Variants in DIPK1C observed in about 807,000 individuals in gnomAD.
DIPK1C encodes the protein familial non-conventional Alzheimer's dementia.
A neutral mutation model predicts 28.0 loss-of-function variants in DIPK1C; 33 were observed. The observed-to-expected ratio is 1.18, with a 90% CI of 0.89 to 1.58. The LOEUF is 1.58. DIPK1C is among the 40% of genes most tolerant of loss of function. The pLI is 0.00. For synonymous variants in DIPK1C, 255 were observed against 248.8 expected, an observed-to-expected ratio of 1.02 and a Z score of -0.23; for missense variants, 569 against 568.5, an observed-to-expected ratio of 1.00 and a Z score of -0.01.
intron 1 of DIPK1C, among the ~76,000 whole-genome samples, chr18:74,456,832 C>G (rs1482813544): frequency 6.6e-6 from 1 of 152,180 alleles, no homozygotes; most frequent in Non-Finnish European, 1.5e-5. Context: ...AGGGCGAATT[C>G]TGGCGAAAAG....
chr18:74,457,385 T>C, upstream of DIPK1C: 1 of 685,422 alleles, frequency 1.5e-6, no homozygotes, highest in South Asian at 6.3e-5. Context: ...GCGCGAGGGT[T>C]GGGGCAGGCC....
Position 74,440,014 on chromosome 18 carries a change from G to A in DIPK1C, c.1041+1938C>T, listed in dbSNP as rs567977496. Among the ~76,000 whole-genome samples, 86 of 149,124 alleles carry A rather than the reference G, an allele frequency of 5.8e-4. 1 individual carries two copies. The highest frequency in any genetic ancestry group is 1.6e-3 in the East Asian group (8 of 5,060). On this transcript the variant is annotated intron_variant, in intron 3 of 3. Transcript: ENST00000343998. ...GGCTGGAGTGCAGTGATGCAATCTCGGCTCACTGCAAGCTCCGCCTCCCGG... is the reference window on the plus strand; with the variant it reads ...GGCTGGAGTGCAGTGATGCAATCTCAGCTCACTGCAAGCTCCGCCTCCCGG...
At position 74,447,134 on chromosome 18, in the gene DIPK1C, C is replaced by T. The variant is rs774597481; in HGVS notation, c.348G>A (p.Lys116=). Residue 116 remains lysine, a synonymous_variant, in exon 2 of 4, where the codon AAG becomes AAA. Coordinates refer to ENST00000343998, the MANE Select transcript of DIPK1C (RefSeq NM_001044369.3). The surrounding 1 kb of genome is among the most constrained non-coding windows in gnomAD (Gnocchi z 4.1). ...AGCTGGAGAAGGCCTCCTCCTTGGA[C>T]TTGAGGACCACGGGCCGGCCGCGCC... ...ADWRGRPVVL[K]SKEEAFSSFP... is the part of the protein sequence containing the mutation. The T allele has an allele frequency of 4.5e-6, 7 of 1,550,454 alleles. No homozygotes were observed. The highest frequency in any genetic ancestry group is 2.4e-5 in the East Asian group (1 of 40,926).
chr18:74,451,544 G>A (rs1245091970), intron 1 of DIPK1C, among the ~76,000 whole-genome samples: 1 of 152,176 alleles, frequency 6.6e-6, no homozygotes, highest in Non-Finnish European at 1.5e-5. Context: ...TGAATTTGGA[G>A]GGCGATTCCA....
upstream of DIPK1C, among the ~76,000 whole-genome samples, chr18:74,461,639 G>C (rs994055308): frequency 6.6e-6 from 1 of 151,922 alleles, no homozygotes; most frequent in African/African-American, 2.4e-5. Context: ...ATAGTTCTGG[G>C]GCTGCAGATG....
chr18:74,459,396 C>A (rs2144537575), upstream of DIPK1C, among the ~76,000 whole-genome samples: 1 of 152,254 alleles, frequency 6.6e-6, no homozygotes, highest in South Asian at 2.1e-4. Flanking sequence ...AACTTATAAT[C>A]CCACAGTAAA....
chr18:74,441,671 G>A (rs1464049111), intron 3 of DIPK1C, among the ~76,000 whole-genome samples: 3 of 152,174 alleles, frequency 2.0e-5, no homozygotes, highest in Non-Finnish European at 4.4e-5. Flanking sequence ...AGAGGTTGTA[G>A]ATACGTGGGG....
At chr18:74,451,650 T>G (rs1444293837) in intron 1 of DIPK1C, among the ~76,000 whole-genome samples, 3 of 152,226 alleles carry the variant, frequency 2.0e-5, no homozygotes, top group Non-Finnish European at 4.4e-5. Flanking sequence ...TGGCTGTTTT[T>G]CTGAAGATCA....
intron 1 of DIPK1C, among the ~76,000 whole-genome samples, chr18:74,455,674 GC>G (rs528314662): frequency 1.4e-3 from 198 of 143,774 alleles, no homozygotes; most frequent in African/African-American, 5.1e-3. Flanking sequence ...GTTGCGGTGA[GC>G]CGAGATCACG....
rs1227887436 is a variant in DIPK1C at position 74,436,720 on chromosome 18, C to G, written c.1042-1G>C. The G allele has an allele frequency of 6.2e-7, 1 of 1,609,248 alleles. No individual in the cohort carries two copies. Among genetic ancestry groups the G allele is most frequent in the African/African-American group, 1.3e-5 (1 of 74,740 alleles). On this transcript the variant is annotated splice_acceptor_variant, in intron 3 of 3. Coordinates refer to ENST00000343998, the MANE Select transcript of DIPK1C (RefSeq NM_001044369.3). LOFTEE classifies it high-confidence loss of function. ...GGCGAAATATTTTGTCACAGATGAC[C>G]TGAGGGAAAGAAGGGTGGACAGTTA...
chr18:74,441,616 T>C (rs1326223661), intron 3 of DIPK1C, among the ~76,000 whole-genome samples: 1 of 152,156 alleles, frequency 6.6e-6, no homozygotes, highest in African/African-American at 2.4e-5. Flanking sequence ...TTATCTTTGA[T>C]GGATTAGTCT....
upstream of DIPK1C, among the ~76,000 whole-genome samples, chr18:74,461,983 A>G (rs1986624842): frequency 6.6e-6 from 1 of 152,168 alleles, no homozygotes; most frequent in South Asian, 2.1e-4. Context: ...TCTGGTCTCA[A>G]ACTCCTGGGC....
chr18:74,457,917 C>T (rs1319166125), upstream of DIPK1C: 1 of 152,584 alleles, frequency 6.6e-6, no homozygotes, highest in Non-Finnish European at 1.5e-5. Flanking sequence ...CCCGCCGTCT[C>T]CCAGGCTGCA....
In DIPK1C at chr18:74,447,214, G is replaced by A; in HGVS notation, c.268C>T (p.Leu90=). The A allele has an allele frequency of 1.9e-6, 3 of 1,550,002 alleles. No individual in the cohort carries two copies. The highest frequency in any genetic ancestry group is 2.4e-5 in the East Asian group (1 of 40,904). ...TTGTAGTGCAGGCAGCGTTGGAACA[G>A]CAGCTCTCCCGCCACACACAGGTCC... ...CEDLCVAGEL[L]FQRCLHYNRG... is the part of the protein sequence containing the mutation. The change falls in exon 2 of 4, where the codon CTG becomes TTG. Residue 90 remains leucine, a synonymous_variant. Coordinates refer to ENST00000343998, the MANE Select transcript of DIPK1C (RefSeq NM_001044369.3). The surrounding 1 kb of genome is among the most constrained non-coding windows in gnomAD (Gnocchi z 4.1).
intron 1 of DIPK1C, among the ~76,000 whole-genome samples, chr18:74,455,044 G>A (rs991652220): frequency 6.6e-6 from 1 of 152,130 alleles, no homozygotes; most frequent in African/African-American, 2.4e-5. Context: ...TTGGCAATAG[G>A]AAAGACTGCC....
At chr18:74,453,818 C>T (rs1438072576) in intron 1 of DIPK1C, among the ~76,000 whole-genome samples, 1 of 152,218 alleles carries the variant, frequency 6.6e-6, no homozygotes, top group Non-Finnish European at 1.5e-5. Context: ...GGGCAAGTCA[C>T]TTCACCTCCC....
upstream of DIPK1C, among the ~76,000 whole-genome samples, chr18:74,460,043 A>G (rs989997465): frequency 3.3e-5 from 5 of 152,192 alleles, no homozygotes; most frequent in Non-Finnish European, 4.4e-5. Context: ...GGGAAAGAGA[A>G]GCTTTATTTG....
chr18:74,451,792 G>A (rs1350004211), intron 1 of DIPK1C, among the ~76,000 whole-genome samples: 1 of 152,188 alleles, frequency 6.6e-6, no homozygotes, highest in East Asian at 1.9e-4. Context: ...GTAAGGTCTT[G>A]GGTTTATAAC....
chr18:74,451,612 C>T (rs1986399730), intron 1 of DIPK1C, among the ~76,000 whole-genome samples: 1 of 152,208 alleles, frequency 6.6e-6, no homozygotes. Context: ...GCATCCAGCT[C>T]ATGGATTTTG....
Sources: gnomAD v4.1 joint callset for allele counts (sites outside exome capture counted in the v4.1 genomes callset) on GRCh38, gnomAD v4.1.1 for gene constraint, Gnocchi (gnomAD v3.1) non-coding constraint, MANE v1.5 for transcripts, NCBI Gene and HGNC (gene_info 2026-07-23, HGNC 2026-07-21) for gene names.